Variants in KIF26B observed in about 807,000 individuals in gnomAD.
KIF26B encodes the protein kinesin-like protein KIF26B.
Under a neutral mutation model 151.2 loss-of-function variants are expected in KIF26B, and 63 were observed. The ratio of observed to expected loss-of-function variants is 0.42; its 90% CI spans 0.34 to 0.51. The LOEUF (loss-of-function observed/expected upper bound fraction) is 0.51, where lower values mean the gene tolerates loss of function less well. KIF26B is among the 20% of genes least tolerant of loss of function. KIF26B has a pLI of 0.07. For missense variants in KIF26B, 2,813 were observed against 2,913.6 expected (o/e 0.97, Z 0.79); for synonymous variants, 1,357 against 1,262.1 (o/e 1.08, Z -1.59).
intron 2 of KIF26B, among the ~76,000 whole-genome samples, chr1:245,290,736 A>G (rs12753320): frequency 6.6e-6 from 1 of 152,160 alleles, no homozygotes; most frequent in African/African-American, 2.4e-5. Flanking sequence ...CCAGCAGGTC[A>G]CAGCCTCATT....
chr1:245,406,539 G>A (rs993378275), intron 3 of KIF26B, among the ~76,000 whole-genome samples: 3 of 152,176 alleles, frequency 2.0e-5, no homozygotes, highest in Admixed American at 6.5e-5. Flanking sequence ...ATGTTCATGG[G>A]CTCCACAGAC....
intron 2 of KIF26B, among the ~76,000 whole-genome samples, chr1:245,304,253 A>G (rs1418964816): frequency 6.6e-6 from 1 of 152,170 alleles, no homozygotes; most frequent in Non-Finnish European, 1.5e-5. Flanking sequence ...TTCCCTCTAG[A>G]GATGGTTCTA....
Position 245,367,432 on chromosome 1 carries a change from C to A in KIF26B, c.999+65C>A, listed in dbSNP as rs537550232. 1.3e-5 allele frequency: 18 copies of A among 1,397,074 alleles called. 2 individuals are homozygous for A. The African/African-American group carries it at 1.4e-4, about 11-fold the overall frequency. 86.5% of individuals were successfully genotyped at this position (1,397,074 alleles called of 1,614,324 possible). A position where few individuals can be genotyped will look rare whatever the true frequency, so the allele number is the denominator to read the frequency against. On this transcript the variant is annotated intron_variant, in intron 3 of 14. Coordinates refer to ENST00000407071, the MANE Select transcript of KIF26B (RefSeq NM_018012.4). The surrounding 1 kb of genome is among the most constrained non-coding windows in gnomAD (Gnocchi z 4.2). ...GGAGTCAAAGCGGAGAAGTAGGCAGCACTTCCTTCCGCTGCCTCCTCCCGG... is the reference window on the plus strand; with the variant it reads ...GGAGTCAAAGCGGAGAAGTAGGCAGAACTTCCTTCCGCTGCCTCCTCCCGG...
At position 245,540,938 on chromosome 1, in the gene KIF26B, G is replaced by T. The variant is rs775664396; in HGVS notation, c.1338G>T (p.Pro446=). ...CTGTCAACAAGGTGAAGGACACCCC[G>T]GGGCTGGGCAAGGTAGGACCATCCG... ...LRAVNKVKDT[P]GLGKVKVMLR... The change falls in exon 5 of 15, where the codon CCG becomes CCT. Residue 446 remains proline, a synonymous_variant. Transcript: ENST00000407071. This position sits in a 1 kb window ranked among gnomAD's most constrained non-coding sequence, Gnocchi z 4.6. The T allele has an allele frequency of 6.2e-7, 1 of 1,612,888 alleles. No homozygotes were observed. The highest frequency in any genetic ancestry group is 1.3e-5 in the African/African-American group (1 of 74,876).
chr1:245,270,850 C>A (rs1305087327), intron 2 of KIF26B, among the ~76,000 whole-genome samples: 1 of 152,184 alleles, frequency 6.6e-6, no homozygotes, highest in African/African-American at 2.4e-5. Context: ...TGTTTTGAAA[C>A]TTTCCCCCTA....
rs2043390738 is a variant in KIF26B at position 245,601,044 on chromosome 1, A to G, written c.1351-1533A>G. ...CATACCTACACCCTGGAGCATTGGG[A>G]GGATTAAATGAGATCGTGTAGATAA... On this transcript the variant is annotated intron_variant, in intron 5 of 14. Coordinates refer to ENST00000407071, the MANE Select transcript of KIF26B (RefSeq NM_018012.4). The surrounding 1 kb of genome is among the most constrained non-coding windows in gnomAD (Gnocchi z 4.4). Among the ~76,000 whole-genome samples the G allele has an allele frequency of 6.6e-6, 1 of 152,200 alleles. No individual in the cohort carries two copies. The highest frequency in any genetic ancestry group is 1.9e-4 in the East Asian group (1 of 5,202).
chr1:245,214,665 C>A (rs1439282504), intron 2 of KIF26B, among the ~76,000 whole-genome samples: 1 of 152,028 alleles, frequency 6.6e-6, no homozygotes, highest in Non-Finnish European at 1.5e-5. Flanking sequence ...ATGGTGAAAC[C>A]CCGTCTCTAG....
At chr1:245,537,403 C>G (rs142421278) in intron 4 of KIF26B, among the ~76,000 whole-genome samples, 1 of 152,164 alleles carries the variant, frequency 6.6e-6, no homozygotes, top group Non-Finnish European at 1.5e-5. Flanking sequence ...GGCTTTTACT[C>G]TGAGTGATAT....
At position 245,643,735 on chromosome 1, in the gene KIF26B, T is replaced by G. The variant is rs1463946294; in HGVS notation, c.2099-2386T>G. ...AGGATTTTTAAGTCAAAAAATATCTTTATTTCCCTTTTGTTTTGGAATGAT... is the reference window on the plus strand; with the variant it reads ...AGGATTTTTAAGTCAAAAAATATCTGTATTTCCCTTTTGTTTTGGAATGAT... On this transcript the variant is annotated intron_variant, in intron 9 of 14. Coordinates refer to ENST00000407071, the MANE Select transcript of KIF26B (RefSeq NM_018012.4). Among the ~76,000 whole-genome samples, 4 of 152,238 alleles carry G rather than the reference T, an allele frequency of 2.6e-5. No homozygotes were observed. The East Asian group carries it at 7.7e-4, about 29-fold the overall frequency.
chr1:245,235,700 T>A (rs1194901922), intron 2 of KIF26B, among the ~76,000 whole-genome samples: 1 of 151,722 alleles, frequency 6.6e-6, no homozygotes, highest in Non-Finnish European at 1.5e-5. Flanking sequence ...GAATAAGGGT[T>A]CAGAATATAG....
At chr1:245,640,789 A>G (rs1331247707) in intron 9 of KIF26B, among the ~76,000 whole-genome samples, 1 of 152,172 alleles carries the variant, frequency 6.6e-6, no homozygotes, top group East Asian at 1.9e-4. Context: ...AAAGAAACAA[A>G]AAGAAAAAAA....
intron 3 of KIF26B, among the ~76,000 whole-genome samples, chr1:245,368,462 A>G (rs1673015832): frequency 6.6e-6 from 1 of 152,118 alleles, no homozygotes; most frequent in South Asian, 2.1e-4. Context: ...TATTACTCAG[A>G]GAAGATAGTT....
intron 4 of KIF26B, among the ~76,000 whole-genome samples, chr1:245,433,214 C>G (rs1050591816): frequency 1.3e-5 from 2 of 152,104 alleles, no homozygotes; most frequent in Non-Finnish European, 2.9e-5. Flanking sequence ...GCCTGTAATC[C>G]CAGCACTTTG....
At chr1:245,468,145 T>C (rs1489113023) in intron 4 of KIF26B, among the ~76,000 whole-genome samples, 1 of 152,192 alleles carries the variant, frequency 6.6e-6, no homozygotes, top group African/African-American at 2.4e-5. Flanking sequence ...ATCAGAAACT[T>C]TTAAACCAAC....
intron 5 of KIF26B, among the ~76,000 whole-genome samples, chr1:245,574,862 T>C (rs1328385888): frequency 2.1e-5 from 3 of 144,696 alleles, no homozygotes; most frequent in Non-Finnish European, 3.0e-5. Flanking sequence ...TCTTTTTTTT[T>C]TCTTTTTTTT....
intron 2 of KIF26B, among the ~76,000 whole-genome samples, chr1:245,210,104 T>C (rs910924573): frequency 6.6e-6 from 1 of 152,212 alleles, no homozygotes; most frequent in Non-Finnish European, 1.5e-5. Flanking sequence ...GAGGTGCAGA[T>C]ACAGGCTCCA....
chr1:245,267,634 GCACACACACACACACACA>G (rs66498609), intron 2 of KIF26B, among the ~76,000 whole-genome samples: 11,315 of 136,332 alleles, frequency 0.083, 569 homozygotes, highest in Middle Eastern at 0.13. Context: ...GCTAAGTAAT[GCACACACACACACACACA>G]CACACACACA....
chr1:245,221,573 A>AT (rs138404898), intron 2 of KIF26B, among the ~76,000 whole-genome samples: 8,477 of 151,990 alleles, frequency 0.056, 476 homozygotes, highest in African/African-American at 0.15. Context: ...CGTCCGGCTA[A>AT]TTTTTGTATT....
chr1:245,250,057 C>T (rs1453228167), intron 2 of KIF26B, among the ~76,000 whole-genome samples: 2 of 152,114 alleles, frequency 1.3e-5, no homozygotes, highest in East Asian at 3.9e-4. Flanking sequence ...TAACATGATC[C>T]GTGTAGCTTT....
Sources: allele counts gnomAD v4.1 joint callset (sites outside exome capture counted in the v4.1 genomes callset), GRCh38; gene constraint gnomAD v4.1.1; non-coding constraint Gnocchi (gnomAD v3.1); transcripts MANE v1.5; gene names NCBI Gene and HGNC (gene_info 2026-07-23, HGNC 2026-07-21).